STIM1: variants seen among roughly 807,000 people sequenced by gnomAD.
STIM1 encodes the protein stromal interaction molecule 1.
STIM1 carries 25 observed loss-of-function variants against 74.7 expected under a neutral mutation model. The ratio of observed to expected loss-of-function variants is 0.33; its 90% CI spans 0.24 to 0.47. The LOEUF (loss-of-function observed/expected upper bound fraction) is 0.47. Ranked by LOEUF, STIM1 falls within the 20% of genes least tolerant of loss-of-function variation. STIM1 has a pLI of 1.00. For synonymous variants in STIM1, 328 were observed against 348.8 expected, an observed-to-expected ratio of 0.94 and a Z score of 0.66; for missense variants, 728 against 920.8, an observed-to-expected ratio of 0.79 and a Z score of 2.71.
At chr11:3,868,619 C>G (rs190481187) in intron 1 of STIM1, among the ~76,000 whole-genome samples, 11 of 152,194 alleles carry the variant, frequency 7.2e-5, no homozygotes, top group Middle Eastern at 3.4e-3. Flanking sequence ...TTCTATCACC[C>G]AAGTGGCCTG....
intron 2 of STIM1, among the ~76,000 whole-genome samples, chr11:3,994,084 G>A (rs1047038029): frequency 6.6e-6 from 1 of 152,114 alleles, no homozygotes. Flanking sequence ...CTCAGTGTTT[G>A]TTTATCTGGA....
intron 1 of STIM1, among the ~76,000 whole-genome samples, chr11:3,900,565 CG>C (rs1565107706): frequency 6.6e-6 from 1 of 152,132 alleles, no homozygotes; most frequent in Non-Finnish European, 1.5e-5. Context: ...TGTTCCTATT[CG>C]GCCATCTTGG....
Position 4,091,627 on chromosome 11 carries a change from A to G in STIM1, c.1980A>G (p.Pro660=), listed in dbSNP as rs200331652. ...CCCCAGACCCAGACACACCATCTCC[A>G]GTTGGGGACAGCCGAGCCCTGCAAG... ...PSSPDPDTPS[P]VGDSRALQAS... The change falls in exon 13 of 13, where the codon CCA becomes CCG. Residue 660 remains proline, a synonymous_variant. Transcript: ENST00000526596. The G allele has an allele frequency of 2.2e-5, 35 of 1,613,968 alleles. No individual in the cohort carries two copies. In the East Asian group the frequency reaches 5.1e-4, roughly 24 times the overall value.
At chr11:3,898,947 C>A (rs1338821433) in intron 1 of STIM1, among the ~76,000 whole-genome samples, 1 of 151,808 alleles carries the variant, frequency 6.6e-6, no homozygotes, top group East Asian at 1.9e-4. Flanking sequence ...AGTCAGGTAG[C>A]GTGATGCCTC....
In STIM1 at chr11:4,091,415, C is replaced by G; in HGVS notation, c.1768C>G (p.Leu590Val). Residue 590 changes from leucine (L) to valine (V), a missense_variant, in exon 13 of 13, where the codon CTG becomes GTG. Transcript: ENST00000526596. ...CATGACTTCCAATGGCAGCCACCGGCTGATCGAGGGGGTCCACCCAGGGTC... is the reference window on the plus strand; with the variant it reads ...CATGACTTCCAATGGCAGCCACCGGGTGATCGAGGGGGTCCACCCAGGGTC... Reference protein sequence around the residue: ...NAMTSNGSHRLIEGVHPGSLV... With the variant: ...NAMTSNGSHRVIEGVHPGSLV... 1 of 1,614,224 alleles carries G rather than the reference C, an allele frequency of 6.2e-7. No individual in the cohort carries two copies.
At chr11:3,950,241 C>G (rs1236172492) in intron 1 of STIM1, among the ~76,000 whole-genome samples, 2 of 151,094 alleles carry the variant, frequency 1.3e-5, no homozygotes, top group East Asian at 3.9e-4. Context: ...TCAAGCGATT[C>G]TCCTGCCTCA....
chr11:4,018,362 T>G (rs7102160), intron 2 of STIM1, among the ~76,000 whole-genome samples: 145,741 of 145,762 alleles, frequency 1, 72,860 homozygotes, highest in East Asian at 1. Flanking sequence ...TGAGGCAGGA[T>G]AATGGCGTGA....
intron 1 of STIM1, among the ~76,000 whole-genome samples, chr11:3,934,865 T>C (rs2092914173): frequency 6.6e-6 from 1 of 152,204 alleles, no homozygotes; most frequent in African/African-American, 2.4e-5. Context: ...CTCTTCTAAG[T>C]CCCTGGGCTT....
At chr11:3,895,653 T>C (rs11030186) in intron 1 of STIM1, among the ~76,000 whole-genome samples, 1 of 12,764 alleles carries the variant, frequency 7.8e-5, no homozygotes, top group Non-Finnish European at 1.7e-4. Flanking sequence ...TTTCTTTCTT[T>C]CTTTCTTTCT....
chr11:3,885,959 G>A (rs1417462134), intron 1 of STIM1, among the ~76,000 whole-genome samples: 1 of 152,202 alleles, frequency 6.6e-6, no homozygotes, highest in Non-Finnish European at 1.5e-5. Context: ...TTCGATGTGA[G>A]TTTGAGCATG....
chr11:4,074,192 G>A (rs934589686), intron 6 of STIM1, among the ~76,000 whole-genome samples: 8 of 152,190 alleles, frequency 5.3e-5, no homozygotes, highest in African/African-American at 1.9e-4. Context: ...GGACAAATGG[G>A]AAATACCTTG....
In STIM1 at chr11:4,035,851, C is replaced by CTT. The variant is rs35310625; in HGVS notation, c.385+11879_385+11880dup. ...AATCAGGTCTGTTTTTGTTGTTTTGCTTTTTTTTTTTTTTTTCAACTTTTA... is the reference window on the plus strand; with the variant it reads ...AATCAGGTCTGTTTTTGTTGTTTTGCTTTTTTTTTTTTTTTTTTCAACTTTTA... On this transcript the variant is annotated intron_variant, in intron 3 of 12. Coordinates refer to ENST00000526596, the MANE Select transcript of STIM1 (RefSeq NM_001382567.1). Among the ~76,000 whole-genome samples the CTT allele has an allele frequency of 8.1e-5, 10 of 123,290 alleles. 1 individual carries two copies. Among genetic ancestry groups the CTT allele is most frequent in the African/African-American group, 3.2e-4 (10 of 31,594 alleles). 80.9% of individuals were successfully genotyped at this position (123,290 alleles called of 152,430 possible).
chr11:4,031,248 G>A (rs1362289886), intron 3 of STIM1, among the ~76,000 whole-genome samples: 6 of 152,098 alleles, frequency 3.9e-5, no homozygotes, highest in African/African-American at 9.7e-5. Context: ...TTATTGCTTA[G>A]TAGTAGTCCA....
intron 1 of STIM1, among the ~76,000 whole-genome samples, chr11:3,894,415 G>C (rs564444584): frequency 6.6e-6 from 1 of 152,116 alleles, no homozygotes; most frequent in East Asian, 1.9e-4. Context: ...GGAGTGGGGG[G>C]TTCTGCTTTG....
chr11:3,856,439 T>G, intron 1 of STIM1, 30 bp downstream of exon 1: 2 of 1,609,428 alleles, frequency 1.2e-6, no homozygotes, highest in East Asian at 2.2e-5. Flanking sequence ...TGGACTGGGC[T>G]GGAGGCTTTG....
intron 1 of STIM1, among the ~76,000 whole-genome samples, chr11:3,897,766 T>G: frequency 6.6e-6 from 1 of 152,098 alleles, no homozygotes; most frequent in African/African-American, 2.4e-5. Flanking sequence ...TATGTGGTGT[T>G]TGGTTTTTTG....
chr11:4,029,335 G>A (rs1255203153), intron 3 of STIM1, among the ~76,000 whole-genome samples: 2 of 151,980 alleles, frequency 1.3e-5, no homozygotes, highest in East Asian at 1.9e-4. Context: ...CCTGAATAAC[G>A]TCACTTCATT....
intron 1 of STIM1, among the ~76,000 whole-genome samples, chr11:3,924,565 G>C (rs1000262384): frequency 6.6e-6 from 1 of 151,986 alleles, no homozygotes; most frequent in Non-Finnish European, 1.5e-5. Context: ...ATAGTCAATA[G>C]TATTACTGTA....
At chr11:4,030,342 A>AG (rs1337731103) in intron 3 of STIM1, among the ~76,000 whole-genome samples, 1 of 147,496 alleles carries the variant, frequency 6.8e-6, no homozygotes, top group Non-Finnish European at 1.5e-5. Flanking sequence ...AAAAAAAAAA[A>AG]GAAAGAAAGA....
Sources: gnomAD v4.1 joint callset for allele counts (sites outside exome capture counted in the v4.1 genomes callset) on GRCh38, gnomAD v4.1.1 for gene constraint, MANE v1.5 for transcripts, NCBI Gene and HGNC (gene_info 2026-07-23, HGNC 2026-07-21) for gene names.